The following TXLNB variants were observed in gnomAD, a reference collection of about 807,000 sequenced individuals.
TXLNB encodes the protein taxilin beta.
A neutral mutation model predicts 57.4 loss-of-function variants in TXLNB; 37 were observed. That is an observed-to-expected ratio of 0.64 (90% CI 0.50 to 0.85). The LOEUF (loss-of-function observed/expected upper bound fraction) is 0.85. Among genes scored for constraint, TXLNB ranks in the 40% least tolerant of loss-of-function variants. TXLNB has a pLI of 0.00. For synonymous variants in TXLNB, 302 were observed against 309.6 expected (o/e 0.98, Z 0.26); for missense variants, 848 against 825.6 (o/e 1.03, Z -0.33).
intron 2 of TXLNB, among the ~76,000 whole-genome samples, chr6:139,281,330 C>T (rs9484258): frequency 0.3 from 45,840 of 152,070 alleles, 7,182 homozygotes; most frequent in African/African-American, 0.38. Context: ...TTACTCCTCA[C>T]TGTCACCACT....
the TXLNB span, chr6:139,167,302 T>C: frequency 1.3e-6 from 2 of 1,597,854 alleles, no homozygotes; most frequent in Non-Finnish European, 1.7e-6. Context: ...AGATCGAATA[T>C]GATGTTCCTT....
the TXLNB span, among the ~76,000 whole-genome samples, chr6:139,186,722 C>T: frequency 1.3e-5 from 2 of 152,156 alleles, no homozygotes; most frequent in Non-Finnish European, 2.9e-5. Context: ...AATCCAAATA[C>T]CCATCAACAG....
the TXLNB span, among the ~76,000 whole-genome samples, chr6:139,213,540 T>C: frequency 6.6e-6 from 1 of 152,024 alleles, no homozygotes; most frequent in Non-Finnish European, 1.5e-5. Context: ...GATCTAAAAT[T>C]GACACCCTAA....
the TXLNB span, among the ~76,000 whole-genome samples, chr6:139,220,655 T>G: frequency 6.6e-6 from 1 of 152,374 alleles, no homozygotes; most frequent in Admixed American, 6.5e-5. Context: ...TGGCACACTT[T>G]CCTTCCAGAC....
chr6:139,289,316 C>A (rs986860094), intron 1 of TXLNB, among the ~76,000 whole-genome samples: 1 of 144,728 alleles, frequency 6.9e-6, no homozygotes, highest in African/African-American at 2.5e-5. Context: ...GTGCATGCAG[C>A]CCCCAGTCAC....
the TXLNB span, among the ~76,000 whole-genome samples, chr6:139,222,384 G>A: frequency 6.6e-6 from 1 of 152,088 alleles, no homozygotes; most frequent in South Asian, 2.1e-4. Context: ...AAGGCAATAA[G>A]CAATACTACA....
intron 2 of TXLNB, among the ~76,000 whole-genome samples, chr6:139,281,696 C>T (rs531295258): frequency 1.8e-5 from 2 of 110,198 alleles, no homozygotes; most frequent in Admixed American, 8.1e-5. Flanking sequence ...CTACAGGCGC[C>T]CGCTACCACG....
In TXLNB at chr6:139,242,525, C is replaced by A. The variant is rs753395583; in HGVS notation, c.*1G>T. On this transcript the variant is annotated 3_prime_UTR_variant, in exon 10 of 10. Coordinates refer to ENST00000358430, the MANE Select transcript of TXLNB (RefSeq NM_153235.4). Reference sequence around the variant, plus strand: ...AGAAGCCTCTGAAGGCACGGTGAGGCTTAGTCGACGCCTTCCAGATTGGTG... The same window carrying A: ...AGAAGCCTCTGAAGGCACGGTGAGGATTAGTCGACGCCTTCCAGATTGGTG... 14 of 1,498,420 alleles carry A rather than the reference C, an allele frequency of 9.3e-6. No homozygotes were observed. The highest frequency in any genetic ancestry group is 1.4e-5 in the African/African-American group (1 of 70,714). 92.8% of individuals were successfully genotyped at this position (1,498,420 alleles called of 1,614,324 possible). A position where few individuals can be genotyped will look rare whatever the true frequency, so the allele number is the denominator to read the frequency against.
intron 6 of TXLNB, among the ~76,000 whole-genome samples, chr6:139,258,877 GT>G (rs1330754155): frequency 3.3e-5 from 5 of 152,158 alleles, no homozygotes; most frequent in African/African-American, 4.8e-5. Context: ...ACCTTAACAA[GT>G]TGCGTATCTT....
rs1314503333 is a variant in TXLNB at position 139,285,304 on chromosome 6, A to ACACACC, written c.424+3171_424+3172insGGTGTG. Among the ~76,000 whole-genome samples the ACACACC allele has an allele frequency of 2.1e-4, 27 of 128,228 alleles. 1 individual carries two copies. The highest frequency in any genetic ancestry group is 7.4e-4 in the African/African-American group (25 of 33,992). 84.1% of individuals were successfully genotyped at this position (128,228 alleles called of 152,430 possible). On this transcript the variant is annotated intron_variant, in intron 2 of 9. Transcript: ENST00000358430. ...CACACACACACACACACACACACAC[A>ACACACC]CCCCAATTCTTATGTAAAAGTTTTA...
chr6:139,278,737 G>C (rs1186944892), intron 2 of TXLNB, among the ~76,000 whole-genome samples: 1 of 152,236 alleles, frequency 6.6e-6, no homozygotes, highest in Non-Finnish European at 1.5e-5. Flanking sequence ...CAGGCACGGT[G>C]GCTCACGCCT....
At chr6:139,318,145 C>T in the TXLNB span, among the ~76,000 whole-genome samples, 1 of 151,408 alleles carries the variant, frequency 6.6e-6, no homozygotes. Flanking sequence ...TGGCGGGTGC[C>T]TGTAGTCCCA....
chr6:139,309,759 A>C, the TXLNB span, among the ~76,000 whole-genome samples: 18 of 152,306 alleles, frequency 1.2e-4, no homozygotes, highest in African/African-American at 3.8e-4. Context: ...CTCTGTCTCT[A>C]TTTAGATAAA....
chr6:139,308,531 T>C, the TXLNB span, among the ~76,000 whole-genome samples: 16 of 152,366 alleles, frequency 1.1e-4, no homozygotes, highest in Middle Eastern at 3.4e-3. Context: ...TGCTATATAT[T>C]CCAACTAATA....
the TXLNB span, among the ~76,000 whole-genome samples, chr6:139,301,020 A>G: frequency 6.6e-6 from 1 of 152,180 alleles, no homozygotes; most frequent in African/African-American, 2.4e-5. Context: ...ATAAATTTGG[A>G]ATTGTGCCAG....
At chr6:139,218,065 A>G in the TXLNB span, among the ~76,000 whole-genome samples, 106 of 152,194 alleles carry the variant, frequency 7.0e-4, no homozygotes, top group African/African-American at 2.4e-3. Flanking sequence ...TGGCAGCTGT[A>G]CACGGTGGCT....
chr6:139,215,208 C>T, the TXLNB span, among the ~76,000 whole-genome samples: 7 of 152,206 alleles, frequency 4.6e-5, no homozygotes, highest in East Asian at 1.9e-4. Context: ...GGAGGCATCA[C>T]GCTACCTGAC....
chr6:139,322,914 C>G, the TXLNB span, among the ~76,000 whole-genome samples: 1 of 152,186 alleles, frequency 6.6e-6, no homozygotes, highest in African/African-American at 2.4e-5. Context: ...GCTGTTGAAT[C>G]CCCCATAAAC....
the TXLNB span, among the ~76,000 whole-genome samples, chr6:139,196,364 G>GTTTTTTTTTTTTTTTTTTT: frequency 2.3e-4 from 20 of 86,770 alleles, 9 homozygotes; most frequent in Admixed American, 2.6e-4. Context: ...CTCCAGATCT[G>GTTTTTTTTTTTTTTTTTTT]GTTTTTTTTT....
Sources: allele counts gnomAD v4.1 joint callset (sites outside exome capture counted in the v4.1 genomes callset), GRCh38; gene constraint gnomAD v4.1.1; transcripts MANE v1.5; gene names NCBI Gene and HGNC (gene_info 2026-07-23, HGNC 2026-07-21).